Variants in ZSCAN29 observed in about 807,000 individuals in gnomAD.
ZSCAN29 encodes the protein zinc finger and SCAN domain-containing protein 29.
In ZSCAN29, 55 loss-of-function variants were observed where a neutral mutation model predicts 71.9. That is an observed-to-expected ratio of 0.76 (90% CI 0.62 to 0.96). ZSCAN29 has a LOEUF of 0.96. Ranked by LOEUF, ZSCAN29 falls within the 40% of genes least tolerant of loss-of-function variation. ZSCAN29 has a pLI of 0.00. For synonymous variants in ZSCAN29, 351 were observed against 371.6 expected, an observed-to-expected ratio of 0.94 and a Z score of 0.64; for missense variants, 1,042 against 1,042.2, an observed-to-expected ratio of 1.00 and a Z score of 0.00.
chr15:43,363,891 A>T, intron 5 of ZSCAN29, 24 bp downstream of exon 5: 1 of 1,547,198 alleles, frequency 6.5e-7, no homozygotes, highest in Non-Finnish European at 8.7e-7. Flanking sequence ...TGTTATTTAT[A>T]CCATAATAGT....
rs553721602 is a variant in ZSCAN29, at chr15:43,363,741, A to G, written c.1690+174T>C. On this transcript the variant is annotated intron_variant, in intron 5 of 5. Coordinates refer to ENST00000684362, the MANE Select transcript of ZSCAN29 (RefSeq NM_001372080.1). ...GCTCTAGTGTGGGAAGTCAAGTCACATAAATAATTTATATCCCCTCAGTGA... is the reference window on the plus strand; with the variant it reads ...GCTCTAGTGTGGGAAGTCAAGTCACGTAAATAATTTATATCCCCTCAGTGA... 5.3e-5 allele frequency: 31 copies of G among 583,432 alleles called. No individual in the cohort carries two copies. In the Admixed American group the frequency reaches 7.4e-4, roughly 14 times the overall value. The allele number at this position is 583,432 out of a possible 1,614,324, so 36.1% of individuals were successfully genotyped here. A position where few individuals can be genotyped will look rare whatever the true frequency, so the allele number is the denominator to read the frequency against.
Position 43,360,798 on chromosome 15 carries a change from A to G in ZSCAN29, c.*275T>C, listed in dbSNP as rs2043970469. 1 of 395,828 alleles carries G rather than the reference A, an allele frequency of 2.5e-6. No individual in the cohort carries two copies. The highest frequency in any genetic ancestry group is 2.0e-5 in the African/African-American group (1 of 50,656). 24.5% of individuals were successfully genotyped at this position (395,828 alleles called of 1,614,324 possible). The stretch of plus-strand genomic sequence containing the variant: ...ATCTATTACCTTGTCCTCTGTGCTT[A>G]TATTAAGGGAACACCATAGGCACTG... On this transcript the variant is annotated 3_prime_UTR_variant, in exon 6 of 6. Transcript: ENST00000684362.
rs958076670 is a variant in ZSCAN29, at chr15:43,369,857, C to G, written c.57G>C (p.Gln19His). 3 of 1,613,242 alleles carry G rather than the reference C, an allele frequency of 1.9e-6. No individual in the cohort carries two copies. Among genetic ancestry groups the G allele is most frequent in the Non-Finnish European group, 2.5e-6 (3 of 1,180,028 alleles). ...ENGTNSETFR[Q>H]RFRRFHYQEV... Reference sequence around the variant, plus strand: ...CCTGGTAATGGAATCTCCTGAAACGCTGTCGGAAGGTCTCAGAGTTAGTGC... The same window carrying G: ...CCTGGTAATGGAATCTCCTGAAACGGTGTCGGAAGGTCTCAGAGTTAGTGC... Residue 19 changes from glutamine to histidine, a missense_variant, in exon 2 of 6, where the codon CAG becomes CAC. Coordinates refer to ENST00000684362, the MANE Select transcript of ZSCAN29 (RefSeq NM_001372080.1).
intron 5 of ZSCAN29, among the ~76,000 whole-genome samples, chr15:43,363,494 T>C (rs2044002926): frequency 6.6e-6 from 1 of 152,166 alleles, no homozygotes; most frequent in Non-Finnish European, 1.5e-5. Context: ...TTTTCATAAA[T>C]GTGAATAAAG....
rs1245463763 is a variant in ZSCAN29 at position 43,364,255 on chromosome 15, C to T, written c.1350G>A (p.Trp450Ter). ...QLYGAVAERL[W>*]EYGFLRTPEQ... The stretch of plus-strand genomic sequence containing the variant: ...CTGGGGTCCTAAGAAAGCCATATTC[C>T]CATAACCTCTCAGCCACTGCTCCAT... Residue 450 changes from tryptophan (W) to a stop codon, truncating the protein, a stop_gained, in exon 5 of 6, where the codon TGG (tryptophan) becomes TGA (stop). Transcript: ENST00000684362. LOFTEE classifies it high-confidence loss of function. The T allele has an allele frequency of 6.2e-7, 1 of 1,614,038 alleles. No individual in the cohort carries two copies. Among genetic ancestry groups the T allele is most frequent in the Non-Finnish European group, 8.5e-7 (1 of 1,180,036 alleles).
In ZSCAN29 at chr15:43,360,046, T is replaced by A. The variant is rs968578648; in HGVS notation, c.*1027A>T. The stretch of plus-strand genomic sequence containing the variant: ...AGAGTCATTCATTTTAGCATTTCCA[T>A]TATTGTATAAAGAAGAGCTGGGCCG... On this transcript the variant is annotated 3_prime_UTR_variant, in exon 6 of 6. Coordinates refer to ENST00000684362, the MANE Select transcript of ZSCAN29 (RefSeq NM_001372080.1). 3 of 152,176 alleles carry A rather than the reference T, an allele frequency of 2.0e-5. No individual in the cohort carries two copies. The highest frequency in any genetic ancestry group is 4.8e-5 in the African/African-American group (2 of 41,428). 9.4% of individuals were successfully genotyped at this position (152,176 alleles called of 1,614,324 possible).
At position 43,363,982 on chromosome 15, in the gene ZSCAN29, T is replaced by G. The variant is rs560406082; in HGVS notation, c.1623A>C (p.Glu541Asp). 1.9e-6 allele frequency: 3 copies of G among 1,613,976 alleles called. No homozygotes were observed. In the African/African-American group the frequency reaches 4.0e-5, roughly 22 times the overall value. The change falls in exon 5 of 6, where the codon GAA (glutamate) becomes GAC (aspartate). Residue 541 changes from glutamate (E) to aspartate (D), a missense_variant. Coordinates refer to ENST00000684362, the MANE Select transcript of ZSCAN29 (RefSeq NM_001372080.1). ...CCCCTGGGGGTATCTCAGTATCCTCTTCATCATCATCAGAATCTTCCTCTG... is the reference window on the plus strand; with the variant it reads ...CCCCTGGGGGTATCTCAGTATCCTCGTCATCATCATCAGAATCTTCCTCTG... ...EATEEDSDDD[E>D]EDTEIPPGAV...
In ZSCAN29 at chr15:43,370,647, G is replaced by C. The variant is rs2044096038; in HGVS notation, c.-202C>G. ...TTGGGGAGAGTCACATTGGGCAGGA[G>C]AGACGGAATCCGAGGAGCAGTAGTA... On this transcript the variant is annotated 5_prime_UTR_variant, in exon 1 of 6. Coordinates refer to ENST00000684362, the MANE Select transcript of ZSCAN29 (RefSeq NM_001372080.1). 6.6e-6 allele frequency: 1 copy of C among 152,648 alleles called. No individual in the cohort carries two copies. The highest frequency in any genetic ancestry group is 1.5e-5 in the Non-Finnish European group (1 of 68,358). 9.5% of individuals were successfully genotyped at this position (152,648 alleles called of 1,614,324 possible).
At chr15:43,365,669 G>C (rs576261702) in intron 4 of ZSCAN29, among the ~76,000 whole-genome samples, 1 of 152,276 alleles carries the variant, frequency 6.6e-6, no homozygotes, top group South Asian at 2.1e-4. Context: ...ACTATTCTAA[G>C]TAAAAACGAA....
Position 43,360,982 on chromosome 15 carries a change from T to C in ZSCAN29, c.*91A>G, listed in dbSNP as rs2043972048. On this transcript the variant is annotated 3_prime_UTR_variant, in exon 6 of 6. Transcript: ENST00000684362. ...CCTAAAGTGAATTTCCTAAGCTAACTGGACACAGAATAGTAGATGAATCTC... is the reference window on the plus strand; with the variant it reads ...CCTAAAGTGAATTTCCTAAGCTAACCGGACACAGAATAGTAGATGAATCTC... 3 of 1,470,392 alleles carry C rather than the reference T, an allele frequency of 2.0e-6. No individual in the cohort carries two copies. The highest frequency in any genetic ancestry group is 2.7e-6 in the Non-Finnish European group (3 of 1,099,562). The allele number at this position is 1,470,392 out of a possible 1,614,324, so 91.1% of individuals were successfully genotyped here.
chr15:43,369,035 T>C lies in ZSCAN29; in HGVS notation c.411A>G (p.Ser137=). The C allele has an allele frequency of 2.5e-6, 4 of 1,612,890 alleles. No individual in the cohort carries two copies. Among genetic ancestry groups the C allele is most frequent in the Non-Finnish European group, 3.4e-6 (4 of 1,179,464 alleles). The change falls in exon 3 of 6, where the codon TCA becomes TCG. Residue 137 remains serine, a synonymous_variant. Transcript: ENST00000684362. The part of the protein sequence containing the change: ...SQELLSVRQE[S]VEPQPRGVPK... ...GTACACCCCTGGGCTGGGGTTCCACTGACTCCTGCCGAACACTTAATAACT... is the reference window on the plus strand; with the variant it reads ...GTACACCCCTGGGCTGGGGTTCCACCGACTCCTGCCGAACACTTAATAACT...
rs192858183 is a variant in ZSCAN29 at position 43,369,898 on chromosome 15, C to G, written c.16G>C (p.Ala6Pro). The G allele has an allele frequency of 1.3e-5, 21 of 1,600,780 alleles. No individual in the cohort carries two copies. In the African/African-American group the frequency reaches 2.8e-4, roughly 21 times the overall value. ...GAGTTAGTGCCATTCTCTCTTAGAG[C>G]TGATTTGGCCATCATTAATAGCAGA... Reference protein sequence around the residue: MMAKSALRENGTNSET... With the variant: MMAKSPLRENGTNSET... Residue 6 changes from alanine (A) to proline (P), a missense_variant, in exon 2 of 6, where the codon GCT (alanine) becomes CCT (proline). Transcript: ENST00000684362.
Position 43,361,662 on chromosome 15 carries a change from C to A in ZSCAN29, c.1970G>T (p.Ser657Ile). 6.2e-7 allele frequency: 1 copy of A among 1,614,144 alleles called. No individual in the cohort carries two copies. ...AAGGGAGTTTGGACCAAAGCTTTTG[C>A]TGTATTTGAGATATTTATAGGGTCT... is the stretch of plus-strand genomic sequence containing the variant. ...GERPYKYLKY[S>I]KSFGPNSLLM... is the part of the protein sequence containing the mutation. Residue 657 changes from serine to isoleucine, a missense_variant, in exon 6 of 6, where the codon AGC (serine) becomes ATC (isoleucine). Physicochemically the swap from Ser to Ile is moderately radical, Grantham distance 142 (BLOSUM62 -2). Transcript: ENST00000684362.
rs779975572 is a variant in ZSCAN29 at position 43,366,479 on chromosome 15, G to A, written c.853C>T (p.Arg285Trp). The A allele has an allele frequency of 4.9e-5, 79 of 1,614,042 alleles. 1 individual carries two copies. Among genetic ancestry groups the A allele is most frequent in the Non-Finnish European group, 6.4e-5 (75 of 1,180,038 alleles). Residue 285 changes from arginine to tryptophan, a missense_variant, in exon 4 of 6, where the codon CGG (arginine) becomes TGG (tryptophan). Arg to Trp is a moderately radical substitution (Grantham distance 101). Coordinates refer to ENST00000684362, the MANE Select transcript of ZSCAN29 (RefSeq NM_001372080.1). ...CGGAGGAAGCCATATTCCCTGAGCC[G>A]CTCAGCCACAGCCCCATACACTTGG... ...NSQVYGAVAE[R>W]LREYGFLRTL...
intron 3 of ZSCAN29, 135 bp downstream of exon 3, chr15:43,368,788 G>A (rs1365066525): frequency 9.1e-6 from 7 of 766,324 alleles, no homozygotes; most frequent in Middle Eastern, 4.0e-4. Flanking sequence ...AATACCAGAG[G>A]CTAAACTACA....
Position 43,361,640 on chromosome 15 carries a change from G to C in ZSCAN29, c.1992C>G (p.Ser664=), listed in dbSNP as rs745763475. Residue 664 remains serine (S), a synonymous_variant, in exon 6 of 6, where the codon TCC becomes TCG. Transcript: ENST00000684362. ...LKYSKSFGPN[S]LLMHQVSHQV... ...GGTGGGATACCTGATGCATGAGAAGGGAGTTTGGACCAAAGCTTTTGCTGT... is the reference window on the plus strand; with the variant it reads ...GGTGGGATACCTGATGCATGAGAAGCGAGTTTGGACCAAAGCTTTTGCTGT... The C allele has an allele frequency of 1.2e-6, 2 of 1,614,162 alleles. No individual in the cohort carries two copies. Among genetic ancestry groups the C allele is most frequent in the East Asian group, 2.2e-5 (1 of 44,878 alleles).
chr15:43,366,509 TC>T lies in ZSCAN29; in HGVS notation c.822del (p.Asn275ThrfsTer56), dbSNP rs1245321627. The T allele has an allele frequency of 8.1e-6, 13 of 1,614,108 alleles. No individual in the cohort carries two copies. Among genetic ancestry groups the T allele is most frequent in the Admixed American group, 5.0e-5 (3 of 60,002 alleles). On this transcript the variant is annotated frameshift_variant, in exon 4 of 6. Transcript: ENST00000684362. LOFTEE classifies it high-confidence loss of function. ...GCCACAGCCCCATACACTTGGCTGT[TC>T]CTATGGCAGTTTCTGAGAGCCTCAT... ...EFYEALRNCH[R>X]NSQVYGAVAE...
Position 43,369,790 on chromosome 15 carries a change from G to C in ZSCAN29, c.124C>G (p.Leu42Val). 6.2e-7 allele frequency: 1 copy of C among 1,614,268 alleles called. No homozygotes were observed. Among genetic ancestry groups the C allele is most frequent in the Non-Finnish European group, 8.5e-7 (1 of 1,180,048 alleles). ...TCCGGCCTTAGCCACCGACAGCAAA[G>C]TTCCCAGAGTTGGCTGAAAGCCTCC... ...PREAFSQLWE[L>V]CCRWLRPEVR... The change falls in exon 2 of 6, where the codon CTT becomes GTT. Residue 42 changes from leucine (L) to valine (V), a missense_variant. Leu to Val is a conservative substitution (Grantham distance 32). Coordinates refer to ENST00000684362, the MANE Select transcript of ZSCAN29 (RefSeq NM_001372080.1).
At chr15:43,363,862 A>C in intron 5 of ZSCAN29, 53 bp downstream of exon 5, 1 of 1,496,536 alleles carries the variant, frequency 6.7e-7, no homozygotes, top group Middle Eastern at 2.0e-4. Context: ...ATTTTTCCTA[A>C]GTCCCATTGT....
Sources: gnomAD v4.1 joint callset for allele counts (sites outside exome capture counted in the v4.1 genomes callset) on GRCh38, gnomAD v4.1.1 for gene constraint, MANE v1.5 for transcripts, NCBI Gene and HGNC (gene_info 2026-07-23, HGNC 2026-07-21) for gene names.